The following ADAMTSL3 variants were observed in gnomAD, a reference collection of about 807,000 sequenced individuals.
ADAMTSL3 encodes the protein ADAMTS-like protein 3.
In ADAMTSL3, 128 loss-of-function variants were observed where a neutral mutation model predicts 201.7. That is an observed-to-expected ratio of 0.63 (90% CI 0.55 to 0.73). The LOEUF (loss-of-function observed/expected upper bound fraction) is 0.73. Among genes scored for constraint, ADAMTSL3 ranks in the 30% least tolerant of loss-of-function variants. The pLI, the probability that ADAMTSL3 is intolerant of heterozygous loss-of-function variation, is 0.00. For missense variants in ADAMTSL3, 1,990 were observed against 2,119.6 expected (o/e 0.94, Z 1.20); for synonymous variants, 738 against 748.4 (o/e 0.99, Z 0.23).
At chr15:83,865,318 CA>C (rs1428520248) in intron 8 of ADAMTSL3, among the ~76,000 whole-genome samples, 3 of 152,110 alleles carry the variant, frequency 2.0e-5, no homozygotes, top group African/African-American at 7.2e-5. Flanking sequence ...AATCGTAACC[CA>C]AAAGAACAAA....
chr15:83,956,418 T>A (rs1034066481), intron 19 of ADAMTSL3, among the ~76,000 whole-genome samples: 6 of 152,218 alleles, frequency 3.9e-5, no homozygotes, highest in Admixed American at 2.0e-4. Context: ...ATGAAGGTGC[T>A]TTTTTGTTCA....
chr15:83,896,887 G>A (rs2141906158), intron 13 of ADAMTSL3, among the ~76,000 whole-genome samples: 1 of 152,308 alleles, frequency 6.6e-6, no homozygotes, highest in Non-Finnish European at 1.5e-5. Context: ...GGGTGAAGTA[G>A]AAGCAAGTAC....
intron 3 of ADAMTSL3, among the ~76,000 whole-genome samples, chr15:83,752,608 C>T (rs1180920338): frequency 1.3e-5 from 2 of 152,126 alleles, no homozygotes; most frequent in African/African-American, 4.8e-5. Context: ...TCTATTATAA[C>T]TTTCTGTAAT....
chr15:83,828,790 G>A (rs2064084103), intron 6 of ADAMTSL3, among the ~76,000 whole-genome samples: 4 of 152,114 alleles, frequency 2.6e-5, no homozygotes, highest in Admixed American at 2.0e-4. Flanking sequence ...TAATCATATG[G>A]TTTTTGTCTT....
At chr15:83,906,623 CACACA>C (rs1289313435) in intron 15 of ADAMTSL3, among the ~76,000 whole-genome samples, 1 of 648 alleles carries the variant, frequency 1.5e-3, no homozygotes, top group East Asian at 0.025. Flanking sequence ...TGCCACACAC[CACACA>C]CACACACACA....
chr15:83,690,967 G>C (rs1204357513), intron 2 of ADAMTSL3, among the ~76,000 whole-genome samples: 1 of 152,180 alleles, frequency 6.6e-6, no homozygotes, highest in Admixed American at 6.5e-5. Context: ...TAGCAGTGGG[G>C]TGAAGAAATA....
At chr15:84,029,761 C>A (rs368017208) in intron 27 of ADAMTSL3, among the ~76,000 whole-genome samples, 4 of 152,234 alleles carry the variant, frequency 2.6e-5, no homozygotes, top group South Asian at 4.1e-4. Flanking sequence ...TTCACAGCAG[C>A]CCCTCCCATC....
intron 6 of ADAMTSL3, chr15:83,824,776 A>T (rs184373971): frequency 6.6e-6 from 1 of 152,092 alleles, no homozygotes; most frequent in Non-Finnish European, 1.5e-5. Flanking sequence ...GTAATAATAT[A>T]TTATACATTT....
At chr15:83,775,589 C>T (rs972252899) in intron 4 of ADAMTSL3, among the ~76,000 whole-genome samples, 2 of 152,086 alleles carry the variant, frequency 1.3e-5, no homozygotes, top group East Asian at 1.9e-4. Flanking sequence ...CTTTTCTACT[C>T]GTACTCAGAA....
At chr15:83,980,325 A>G (rs1244956294) in intron 20 of ADAMTSL3, among the ~76,000 whole-genome samples, 1 of 152,302 alleles carries the variant, frequency 6.6e-6, no homozygotes, top group Admixed American at 6.5e-5. Context: ...TTCCAGTGCT[A>G]TGGCCAGACA....
At position 83,820,191 on chromosome 15, in the gene ADAMTSL3, C is replaced by T. The variant is rs943114463; in HGVS notation, c.600+144C>T. Reference sequence around the variant, plus strand: ...GGTACGGTGGCTTACACCTATAATCCCAGTTTTGTATTTTTATACAGCAAA... The same window carrying T: ...GGTACGGTGGCTTACACCTATAATCTCAGTTTTGTATTTTTATACAGCAAA... On this transcript the variant is annotated intron_variant, in intron 6 of 29. Coordinates refer to ENST00000286744, the MANE Select transcript of ADAMTSL3 (RefSeq NM_207517.3). The T allele has an allele frequency of 1.1e-5, 7 of 654,844 alleles. No individual in the cohort carries two copies. The African/African-American group carries it at 1.3e-4, about 12-fold the overall frequency. 40.6% of individuals were successfully genotyped at this position (654,844 alleles called of 1,614,324 possible).
At chr15:83,737,757 A>G (rs1384328560) in intron 3 of ADAMTSL3, among the ~76,000 whole-genome samples, 2 of 152,210 alleles carry the variant, frequency 1.3e-5, no homozygotes, top group Non-Finnish European at 2.9e-5. Context: ...TGAAAACACA[A>G]ACATATACAT....
At chr15:83,690,571 G>T (rs976064882) in intron 2 of ADAMTSL3, among the ~76,000 whole-genome samples, 1 of 152,140 alleles carries the variant, frequency 6.6e-6, no homozygotes, top group Non-Finnish European at 1.5e-5. Flanking sequence ...AATGCCATGT[G>T]TGACACTTAC....
intron 23 of ADAMTSL3, among the ~76,000 whole-genome samples, chr15:84,012,254 C>A (rs1188417234): frequency 6.6e-6 from 1 of 152,070 alleles, no homozygotes; most frequent in Non-Finnish European, 1.5e-5. Flanking sequence ...TATCTAAGGC[C>A]AAGATCAAGG....
rs562887785 is a variant in ADAMTSL3, at chr15:83,746,723, G to A, written c.190-26800G>A. Among the ~76,000 whole-genome samples the A allele has an allele frequency of 3.3e-5, 5 of 152,220 alleles. No individual in the cohort carries two copies. In the South Asian group the frequency reaches 1.0e-3, roughly 32 times the overall value. ...ATTTTTTAAAAAGTGAAGTCAGCCAGGCATTGTGGCTCACACCTGTAATCC... is the reference window on the plus strand; with the variant it reads ...ATTTTTTAAAAAGTGAAGTCAGCCAAGCATTGTGGCTCACACCTGTAATCC... On this transcript the variant is annotated intron_variant, in intron 3 of 29. Coordinates refer to ENST00000286744, the MANE Select transcript of ADAMTSL3 (RefSeq NM_207517.3).
intron 7 of ADAMTSL3, among the ~76,000 whole-genome samples, chr15:83,856,617 A>T (rs2064739698): frequency 1.3e-5 from 2 of 152,232 alleles, no homozygotes; most frequent in Admixed American, 6.5e-5. Context: ...CAGATAGCAC[A>T]GTAAATATTT....
At chr15:84,023,086 A>T (rs1376764804) in intron 26 of ADAMTSL3, among the ~76,000 whole-genome samples, 1 of 152,174 alleles carries the variant, frequency 6.6e-6, no homozygotes, top group African/African-American at 2.4e-5. Flanking sequence ...CTAGACCGTA[A>T]ATTCTATGGG....
chr15:83,796,758 G>A lies in ADAMTSL3; in HGVS notation c.318-7892G>A, dbSNP rs569515084. Among the ~76,000 whole-genome samples the A allele has an allele frequency of 2.6e-5, 4 of 152,248 alleles. No individual in the cohort carries two copies. The East Asian group carries it at 5.8e-4, about 22-fold the overall frequency. ...TGAGAGCCCAGAAACAGATATATGCGTATGTGGAAGTTTGGTATATATTGA... is the reference window on the plus strand; with the variant it reads ...TGAGAGCCCAGAAACAGATATATGCATATGTGGAAGTTTGGTATATATTGA... On this transcript the variant is annotated intron_variant, in intron 4 of 29. Transcript: ENST00000286744.
chr15:83,905,520 G>A (rs2065814953), intron 15 of ADAMTSL3, among the ~76,000 whole-genome samples: 1 of 152,174 alleles, frequency 6.6e-6, no homozygotes, highest in Admixed American at 6.5e-5. Flanking sequence ...AGCTGGAGGA[G>A]CCAGCAAGTC....
Sources: allele counts gnomAD v4.1 joint callset (sites outside exome capture counted in the v4.1 genomes callset), GRCh38; gene constraint gnomAD v4.1.1; transcripts MANE v1.5; gene names NCBI Gene and HGNC (gene_info 2026-07-23, HGNC 2026-07-21).